WNT3A: variants seen among roughly 807,000 people sequenced by gnomAD.
WNT3A encodes the protein protein Wnt-3a.
Under a neutral mutation model 37.0 loss-of-function variants are expected in WNT3A, and 17 were observed. That is an observed-to-expected ratio of 0.46 (90% CI 0.31 to 0.69). The LOEUF is 0.69. WNT3A is among the 30% of genes least tolerant of loss of function. The pLI is 0.05. For synonymous variants in WNT3A, 187 were observed against 211.0 expected, an observed-to-expected ratio of 0.89 and a Z score of 0.99; for missense variants, 411 against 510.2, an observed-to-expected ratio of 0.81 and a Z score of 1.87.
chr1:228,058,028 T>G (rs1184538176), intron 3 of WNT3A, among the ~76,000 whole-genome samples: 1 of 152,152 alleles, frequency 6.6e-6, no homozygotes, highest in African/African-American at 2.4e-5. Flanking sequence ...ACACGTGGCT[T>G]TGCCTCAAGT....
intron 3 of WNT3A, among the ~76,000 whole-genome samples, chr1:228,056,193 G>C (rs970527920): frequency 2.0e-5 from 3 of 152,226 alleles, no homozygotes. Context: ...CTTCCAATAA[G>C]ATTTTTAGTG....
chr1:228,021,591 A>G (rs1347147235), intron 1 of WNT3A, among the ~76,000 whole-genome samples: 4 of 152,172 alleles, frequency 2.6e-5, no homozygotes, highest in Non-Finnish European at 5.9e-5. Context: ...CTATTGACGG[A>G]TGCTTGGGTG....
chr1:228,055,956 A>G (rs1397160925), intron 3 of WNT3A, among the ~76,000 whole-genome samples: 1 of 152,160 alleles, frequency 6.6e-6, no homozygotes, highest in Admixed American at 6.5e-5. Context: ...TTTTCTCTCT[A>G]CATATGGAAG....
chr1:228,047,781 G>A (rs1480131386), intron 2 of WNT3A, among the ~76,000 whole-genome samples: 1 of 152,070 alleles, frequency 6.6e-6, no homozygotes, highest in Non-Finnish European at 1.5e-5. Context: ...GTCATGTGGC[G>A]AGAGCAGGAG....
At chr1:228,058,764 C>T (rs2124821537) in intron 3 of WNT3A, among the ~76,000 whole-genome samples, 1 of 152,340 alleles carries the variant, frequency 6.6e-6, no homozygotes, top group South Asian at 2.1e-4. Flanking sequence ...AAGAGGGGAG[C>T]CCCCCAAGCC....
At chr1:228,056,092 C>T (rs4653533) in intron 3 of WNT3A, among the ~76,000 whole-genome samples, 17,681 of 152,204 alleles carry the variant, frequency 0.12, 1,153 homozygotes, top group East Asian at 0.24. Flanking sequence ...GACTTCAAGA[C>T]AGTTACCTGT....
intron 2 of WNT3A, among the ~76,000 whole-genome samples, chr1:228,030,979 G>C (rs2030987713): frequency 6.6e-6 from 1 of 152,226 alleles, no homozygotes; most frequent in South Asian, 2.1e-4. Context: ...CATGTGCACT[G>C]ACCAGGAGAG....
intron 2 of WNT3A, among the ~76,000 whole-genome samples, chr1:228,041,858 T>C (rs1324146193): frequency 6.6e-6 from 1 of 152,238 alleles, no homozygotes; most frequent in Admixed American, 6.5e-5. Flanking sequence ...GCAAGGACTC[T>C]CTTCTCCTGA....
At chr1:228,020,125 G>C (rs2030659664) in intron 1 of WNT3A, among the ~76,000 whole-genome samples, 1 of 152,250 alleles carries the variant, frequency 6.6e-6, no homozygotes, top group African/African-American at 2.4e-5. Context: ...TCGGGAGGGT[G>C]AGGCAGGAGA....
chr1:228,044,433 C>G (rs1303118204), intron 2 of WNT3A, among the ~76,000 whole-genome samples: 1 of 152,196 alleles, frequency 6.6e-6, no homozygotes, highest in Non-Finnish European at 1.5e-5. Flanking sequence ...TTTGGTGATG[C>G]CATGCCTCTG....
chr1:228,028,021 T>C (rs569701116), intron 2 of WNT3A, among the ~76,000 whole-genome samples: 25 of 152,288 alleles, frequency 1.6e-4, no homozygotes, highest in African/African-American at 5.8e-4. Flanking sequence ...CACCAATTAT[T>C]AAGTAGGGTG....
At chr1:228,018,115 G>A (rs1261238830) in intron 1 of WNT3A, among the ~76,000 whole-genome samples, 1 of 152,180 alleles carries the variant, frequency 6.6e-6, no homozygotes, top group Non-Finnish European at 1.5e-5. Flanking sequence ...CTTGCGCTGA[G>A]AACAGGACCC....
chr1:228,037,052 G>A lies in WNT3A; in HGVS notation c.314-13604G>A, dbSNP rs952210038. Among the ~76,000 whole-genome samples, 2 of 152,144 alleles carry A rather than the reference G, an allele frequency of 1.3e-5. No homozygotes were observed. The highest frequency in any genetic ancestry group is 4.8e-5 in the African/African-American group (2 of 41,430). ...CCTGGCACCTGCCAGATAGGTCGGG[G>A]GGAGTGGAGTGGCATGGGGAGGTAT... On this transcript the variant is annotated intron_variant, in intron 2 of 3. Coordinates refer to ENST00000284523, the MANE Select transcript of WNT3A (RefSeq NM_033131.4). This position sits in a 1 kb window ranked among gnomAD's most constrained non-coding sequence, Gnocchi z 4.1.
chr1:228,057,169 A>G lies in WNT3A; in HGVS notation c.580-1817A>G, dbSNP rs1237652952. On this transcript the variant is annotated intron_variant, in intron 3 of 3. Transcript: ENST00000284523. ...GTCATTTAGGAAAAGAAAAGTCATC[A>G]TAATATATGACACTTAAAGTAGTCC... 2.0e-5 allele frequency among the ~76,000 whole-genome samples: 3 copies of G among 152,256 alleles called. No individual in the cohort carries two copies. In the East Asian group the frequency reaches 5.8e-4, roughly 29 times the overall value.
chr1:228,023,255 G>C (rs912239868), intron 2 of WNT3A, among the ~76,000 whole-genome samples: 1 of 152,020 alleles, frequency 6.6e-6, no homozygotes, highest in African/African-American at 2.4e-5. Flanking sequence ...GGAGAGGTTT[G>C]GGGGCACCCT....
intron 1 of WNT3A, among the ~76,000 whole-genome samples, chr1:228,015,317 G>A (rs901263477): frequency 2.6e-5 from 4 of 152,236 alleles, no homozygotes; most frequent in African/African-American, 9.6e-5. Context: ...GATATTGGAA[G>A]AGCAGGGTCA....
chr1:228,047,839 G>T (rs2031459623), intron 2 of WNT3A, among the ~76,000 whole-genome samples: 1 of 152,028 alleles, frequency 6.6e-6, no homozygotes, highest in Non-Finnish European at 1.5e-5. Flanking sequence ...TAAACAACCA[G>T]ATCTTGCAAG....
In WNT3A at chr1:228,037,131, C is replaced by T. The variant is rs2031162930; in HGVS notation, c.314-13525C>T. On this transcript the variant is annotated intron_variant, in intron 2 of 3. Transcript: ENST00000284523. This position sits in a 1 kb window ranked among gnomAD's most constrained non-coding sequence, Gnocchi z 4.1. ...TGCTTCCCACAACTCCCAGTGGACACTTCCCAGAGCCCTGGGGTTTGCTTC... is the reference window on the plus strand; with the variant it reads ...TGCTTCCCACAACTCCCAGTGGACATTTCCCAGAGCCCTGGGGTTTGCTTC... Among the ~76,000 whole-genome samples the T allele has an allele frequency of 6.6e-6, 1 of 152,120 alleles. No individual in the cohort carries two copies. The highest frequency in any genetic ancestry group is 6.5e-5 in the Admixed American group (1 of 15,286).
At chr1:228,019,705 A>C (rs2102763879) in intron 1 of WNT3A, among the ~76,000 whole-genome samples, 1 of 152,168 alleles carries the variant, frequency 6.6e-6, no homozygotes, top group African/African-American at 2.4e-5. Context: ...GCTTTATCTC[A>C]CACCCACCAC....
Sources: allele counts gnomAD v4.1 joint callset (sites outside exome capture counted in the v4.1 genomes callset), GRCh38; gene constraint gnomAD v4.1.1; non-coding constraint Gnocchi (gnomAD v3.1); transcripts MANE v1.5; gene names NCBI Gene and HGNC (gene_info 2026-07-23, HGNC 2026-07-21).